Variants in SH3PXD2A observed in about 807,000 individuals in gnomAD.
SH3PXD2A encodes SH3 and PX domains 2A.
Under a neutral mutation model 115.2 loss-of-function variants are expected in SH3PXD2A, and 32 were observed. That is an observed-to-expected ratio of 0.28 (90% CI 0.21 to 0.37). SH3PXD2A has a LOEUF of 0.37. Ranked by LOEUF, SH3PXD2A falls within the 10% of genes least tolerant of loss-of-function variation. The pLI is 1.00. For missense variants in SH3PXD2A, 1,328 were observed against 1,498.7 expected, an observed-to-expected ratio of 0.89 and a Z score of 1.88; for synonymous variants, 610 against 629.1, an observed-to-expected ratio of 0.97 and a Z score of 0.45.
At chr10:103,769,179 T>TGCGCGC (rs1206949014) in intron 2 of SH3PXD2A, among the ~76,000 whole-genome samples, 5 of 116,046 alleles carry the variant, frequency 4.3e-5, no homozygotes, top group African/African-American at 1.5e-4. Flanking sequence ...TGTGTGTGTG[T>TGCGCGC]GTGCGCGCGC....
chr10:103,682,015 A>C (rs2037616936), intron 6 of SH3PXD2A, among the ~76,000 whole-genome samples: 1 of 152,254 alleles, frequency 6.6e-6, no homozygotes, highest in Non-Finnish European at 1.5e-5. Context: ...AGCAGACTCA[A>C]GATTCTGCAG....
intron 1 of SH3PXD2A, among the ~76,000 whole-genome samples, chr10:103,823,900 C>T (rs537811615): frequency 6.6e-5 from 10 of 152,134 alleles, no homozygotes; most frequent in Middle Eastern, 3.2e-3. Context: ...GGCCAGTCAG[C>T]GTGTCAAGGC....
At chr10:103,621,820 G>T (rs1001116130) in intron 10 of SH3PXD2A, among the ~76,000 whole-genome samples, 2 of 152,200 alleles carry the variant, frequency 1.3e-5, no homozygotes, top group Non-Finnish European at 2.9e-5. Flanking sequence ...TGGGCCTGGG[G>T]GGCTCCCTGG....
At chr10:103,645,505 C>T (rs893699520) in intron 8 of SH3PXD2A, among the ~76,000 whole-genome samples, 1 of 152,224 alleles carries the variant, frequency 6.6e-6, no homozygotes, top group Non-Finnish European at 1.5e-5. Context: ...TGAGCTAATA[C>T]TTCCAGTCCT....
At chr10:103,742,364 T>A (rs1387277455) in intron 3 of SH3PXD2A, among the ~76,000 whole-genome samples, 1 of 152,230 alleles carries the variant, frequency 6.6e-6, no homozygotes, top group Non-Finnish European at 1.5e-5. Context: ...CCCATGCCTG[T>A]GTCCCACATC....
chr10:103,602,492 A>G lies in SH3PXD2A; in HGVS notation c.2726T>C (p.Leu909Pro). The change falls in exon 15 of 15, where the codon CTG becomes CCG. Residue 909 changes from leucine (L) to proline (P), a missense_variant. Transcript: ENST00000369774. ...NEQPDPSGKE[L>P]DTVPAKGRQN... ...CCTGCCCTTGGCGGGCACTGTGTCCAGCTCTTTGCCAGAGGGGTCAGGTTG... is the reference window on the plus strand; with the variant it reads ...CCTGCCCTTGGCGGGCACTGTGTCCGGCTCTTTGCCAGAGGGGTCAGGTTG... 14 of 1,614,100 alleles carry G rather than the reference A, an allele frequency of 8.7e-6. No individual in the cohort carries two copies. Among genetic ancestry groups the G allele is most frequent in the Non-Finnish European group, 1.2e-5 (14 of 1,180,000 alleles).
intron 5 of SH3PXD2A, among the ~76,000 whole-genome samples, chr10:103,718,225 C>T (rs1244908902): frequency 1.3e-5 from 2 of 151,806 alleles, no homozygotes; most frequent in Non-Finnish European, 2.9e-5. Flanking sequence ...CTATGTTGCT[C>T]AGGCTGGTCT....
At chr10:103,800,698 T>C (rs2039138529) in intron 2 of SH3PXD2A, among the ~76,000 whole-genome samples, 1 of 152,190 alleles carries the variant, frequency 6.6e-6, no homozygotes. Flanking sequence ...GGGGGGTGTC[T>C]GCAGGGGTAG....
chr10:103,628,199 C>T (rs892927095), intron 8 of SH3PXD2A, among the ~76,000 whole-genome samples: 1 of 152,188 alleles, frequency 6.6e-6, no homozygotes, highest in South Asian at 2.1e-4. Context: ...AGGGGAAAAC[C>T]GCCAGGTACC....
At chr10:103,632,924 A>C (rs1407841856) in intron 8 of SH3PXD2A, among the ~76,000 whole-genome samples, 2 of 152,048 alleles carry the variant, frequency 1.3e-5, no homozygotes, top group African/African-American at 4.8e-5. Context: ...CGGTGAGCTG[A>C]GATCATGCCA....
In SH3PXD2A at chr10:103,594,478, C is replaced by T. The variant is rs970819560; in HGVS notation, c.*7338G>A. 2 of 152,244 alleles carry T rather than the reference C, an allele frequency of 1.3e-5. No homozygotes were observed. The highest frequency in any genetic ancestry group is 4.8e-5 in the African/African-American group (2 of 41,432). 9.4% of individuals were successfully genotyped at this position (152,244 alleles called of 1,614,324 possible). On this transcript the variant is annotated 3_prime_UTR_variant, in exon 15 of 15. Coordinates refer to ENST00000369774, the MANE Select transcript of SH3PXD2A (RefSeq NM_001394015.1). ...GAGGGGAATTCCATGAGGAATTCTC[C>T]AAGGTTCTGGAGCTCCAGAGACATC...
intron 3 of SH3PXD2A, among the ~76,000 whole-genome samples, chr10:103,750,549 C>G (rs963231064): frequency 6.6e-6 from 1 of 152,114 alleles, no homozygotes; most frequent in Non-Finnish European, 1.5e-5. Context: ...ATGGACAGGG[C>G]GAGAGTCTGC....
At chr10:103,747,627 A>C (rs1400505454) in intron 3 of SH3PXD2A, among the ~76,000 whole-genome samples, 1 of 152,074 alleles carries the variant, frequency 6.6e-6, no homozygotes, top group Non-Finnish European at 1.5e-5. Context: ...CCTGGGTCGC[A>C]GTGATGATGC....
chr10:103,628,595 C>G (rs927195227), intron 8 of SH3PXD2A, among the ~76,000 whole-genome samples: 6 of 152,078 alleles, frequency 3.9e-5, no homozygotes, highest in African/African-American at 1.2e-4. Flanking sequence ...TTCTGTCCCT[C>G]TCTGCCTGGG....
rs568150428 is a variant in SH3PXD2A, at chr10:103,634,147, C to T, written c.605-6945G>A. Among the ~76,000 whole-genome samples the T allele has an allele frequency of 1.1e-4, 16 of 152,368 alleles. No homozygotes were observed. In the East Asian group the frequency reaches 2.1e-3, roughly 20 times the overall value. ...TGTGAGTGCAGACCCATCCTCCATC[C>T]GGGATCCCTGGCTCCTGGGGAAGGA... On this transcript the variant is annotated intron_variant, in intron 8 of 14. Coordinates refer to ENST00000369774, the MANE Select transcript of SH3PXD2A (RefSeq NM_001394015.1).
intron 10 of SH3PXD2A, among the ~76,000 whole-genome samples, chr10:103,619,866 C>G (rs1442761423): frequency 1.3e-5 from 2 of 152,228 alleles, no homozygotes; most frequent in African/African-American, 4.8e-5. Context: ...GGTCACTGCA[C>G]AGGTTGCAGG....
intron 4 of SH3PXD2A, among the ~76,000 whole-genome samples, chr10:103,731,979 T>A (rs1250901994): frequency 6.6e-6 from 1 of 152,188 alleles, no homozygotes; most frequent in Non-Finnish European, 1.5e-5. Flanking sequence ...AGAAAGCCAT[T>A]GATCCCTGAA....
intron 6 of SH3PXD2A, chr10:103,673,563 CAAAAT>C: frequency 6.6e-6 from 1 of 152,198 alleles, no homozygotes; most frequent in Admixed American, 6.5e-5. Flanking sequence ...GACCCTGTCT[CAAAAT>C]AAATAAGTAT....
chr10:103,748,443 G>A (rs979424979), intron 3 of SH3PXD2A, among the ~76,000 whole-genome samples: 1 of 152,164 alleles, frequency 6.6e-6, no homozygotes, highest in Non-Finnish European at 1.5e-5. Context: ...CCCCATCCCT[G>A]AAAGAAGGGG....
Sources: allele counts gnomAD v4.1 joint callset (sites outside exome capture counted in the v4.1 genomes callset), GRCh38; gene constraint gnomAD v4.1.1; transcripts MANE v1.5; gene names NCBI Gene and HGNC (gene_info 2026-07-23, HGNC 2026-07-21).